Variants in ASPRV1 observed in about 807,000 individuals in gnomAD.
ASPRV1 encodes aspartic peptidase retroviral like 1.
In ASPRV1, 7 loss-of-function variants were observed where a neutral mutation model predicts 11.0. That is an observed-to-expected ratio of 0.64 (90% confidence interval 0.36 to 1.20). ASPRV1 has a LOEUF of 1.20. Among genes scored for constraint, ASPRV1 ranks in the 50% most tolerant of loss-of-function variants. The pLI is 0.02. For synonymous variants in ASPRV1, 136 were observed against 138.4 expected (o/e 0.98, Z 0.12); for missense variants, 299 against 320.0 (o/e 0.93, Z 0.50).
At chr2:70,040,573 C>T in the ASPRV1 span, among the ~76,000 whole-genome samples, 4 of 152,084 alleles carry the variant, frequency 2.6e-5, no homozygotes, top group African/African-American at 7.2e-5. Flanking sequence ...CGGTGGCTCA[C>T]GCCTGTAATC....
At chr2:70,059,775 C>G in the ASPRV1 span, 1 of 152,780 alleles carries the variant, frequency 6.5e-6, no homozygotes. Context: ...GCTCAGTTCA[C>G]AATAGAGTTC....
At chr2:70,065,819 CAAAAAAAAAA>C in the ASPRV1 span, among the ~76,000 whole-genome samples, 12 of 67,448 alleles carry the variant, frequency 1.8e-4, no homozygotes, top group African/African-American at 5.9e-4. Flanking sequence ...GCTTTTGACT[CAAAAAAAAAA>C]AAAAAAAAAA....
At chr2:69,987,359 C>A in the ASPRV1 span, among the ~76,000 whole-genome samples, 1 of 152,068 alleles carries the variant, frequency 6.6e-6, no homozygotes, top group South Asian at 2.1e-4. Flanking sequence ...AGGAAACCCA[C>A]GGTGGGCTAT....
At chr2:70,001,655 G>A in the ASPRV1 span, among the ~76,000 whole-genome samples, 178 of 152,264 alleles carry the variant, frequency 1.2e-3, no homozygotes, top group African/African-American at 4.2e-3. Flanking sequence ...GGCTACTCAG[G>A]AGGCTGAGGC....
At chr2:69,970,098 G>A in the ASPRV1 span, among the ~76,000 whole-genome samples, 200 of 152,006 alleles carry the variant, frequency 1.3e-3, 2 homozygotes, top group Non-Finnish European at 3.7e-4. Flanking sequence ...GACACAGGGG[G>A]CTTCCTCACC....
the ASPRV1 span, among the ~76,000 whole-genome samples, chr2:70,054,576 C>CAATAAATA: frequency 0.011 from 1,695 of 149,168 alleles, 20 homozygotes; most frequent in African/African-American, 0.031. Context: ...GACTCCGTCT[C>CAATAAATA]AATAAATAAA....
chr2:70,039,094 A>C, the ASPRV1 span, among the ~76,000 whole-genome samples: 2 of 152,080 alleles, frequency 1.3e-5, no homozygotes, highest in Admixed American at 6.6e-5. Context: ...AAAAAAAAAA[A>C]ACAAAGCCAA....
At chr2:69,991,306 T>G in the ASPRV1 span, among the ~76,000 whole-genome samples, 4 of 152,188 alleles carry the variant, frequency 2.6e-5, no homozygotes. Flanking sequence ...TTCACACTCT[T>G]GGTCCATAAG....
chr2:69,986,623 T>G, the ASPRV1 span, among the ~76,000 whole-genome samples: 1 of 152,206 alleles, frequency 6.6e-6, no homozygotes, highest in Non-Finnish European at 1.5e-5. Context: ...TGGGTTCTGA[T>G]AGCAGTACCA....
the ASPRV1 span, among the ~76,000 whole-genome samples, chr2:70,065,390 C>CAAAAAAAAAAAAAAAA: frequency 3.8e-5 from 2 of 52,726 alleles, 1 homozygote; most frequent in Non-Finnish European, 7.8e-5. Flanking sequence ...GACACCATCT[C>CAAAAAAAAAAAAAAAA]AAAAAAAAAA....
In ASPRV1 at chr2:69,961,525, G is replaced by A. The variant is rs369563194; in HGVS notation, c.-89C>T. 4.3e-5 allele frequency: 69 copies of A among 1,614,010 alleles called. No homozygotes were observed. Among genetic ancestry groups the A allele is most frequent in the Non-Finnish European group, 5.3e-5 (63 of 1,180,030 alleles). ...TGTCGGCGCAATCACGCTGGAAAAC[G>A]GGGCCTCTCGAAGCAGAGTGGGGAT... On this transcript the variant is annotated 5_prime_UTR_variant, in exon 1 of 1. Coordinates refer to ENST00000320256, the MANE Select transcript of ASPRV1 (RefSeq NM_152792.4).
chr2:69,946,853 G>A, the ASPRV1 span, among the ~76,000 whole-genome samples: 10 of 152,256 alleles, frequency 6.6e-5, no homozygotes, highest in East Asian at 9.6e-4. Flanking sequence ...TGTGCTGTTC[G>A]GAAGGTCAAA....
the ASPRV1 span, among the ~76,000 whole-genome samples, chr2:70,079,889 A>C: frequency 1.3e-5 from 2 of 151,888 alleles, no homozygotes; most frequent in Non-Finnish European, 2.9e-5. Flanking sequence ...AAAAAGCAAA[A>C]ATCAATGCTC....
At chr2:69,996,801 A>G in the ASPRV1 span, 1 of 452,528 alleles carries the variant, frequency 2.2e-6, no homozygotes, top group African/African-American at 2.0e-5. Flanking sequence ...GGACGGTCAG[A>G]TACTGTCCCT....
the ASPRV1 span, among the ~76,000 whole-genome samples, chr2:70,054,576 C>CAATA: frequency 0.14 from 21,491 of 149,076 alleles, 2,367 homozygotes; most frequent in East Asian, 0.29. Context: ...GACTCCGTCT[C>CAATA]AATAAATAAA....
the ASPRV1 span, among the ~76,000 whole-genome samples, chr2:70,011,220 G>C: frequency 5.3e-5 from 8 of 151,886 alleles, no homozygotes; most frequent in Non-Finnish European, 1.2e-4. Flanking sequence ...CCTGTGACAC[G>C]AGTTTAACTA....
the ASPRV1 span, among the ~76,000 whole-genome samples, chr2:70,016,845 C>CT: frequency 6.6e-6 from 1 of 150,906 alleles, no homozygotes; most frequent in African/African-American, 2.5e-5. Context: ...GAGTGAAACT[C>CT]TGTCCCCACC....
the ASPRV1 span, among the ~76,000 whole-genome samples, chr2:70,012,444 G>A: frequency 5.1e-4 from 77 of 152,096 alleles, no homozygotes; most frequent in African/African-American, 1.5e-3. Flanking sequence ...GTGAGCCACC[G>A]CGCCCGGCCA....
chr2:70,013,644 C>T, the ASPRV1 span, among the ~76,000 whole-genome samples: 1 of 152,294 alleles, frequency 6.6e-6, no homozygotes, highest in South Asian at 2.1e-4. Flanking sequence ...AATCCCAGCA[C>T]TTTGGGAGGC....
Sources: allele counts gnomAD v4.1 joint callset (sites outside exome capture counted in the v4.1 genomes callset), GRCh38; gene constraint gnomAD v4.1.1; transcripts MANE v1.5; gene names NCBI Gene and HGNC (gene_info 2026-07-23, HGNC 2026-07-21).